Variants in SGK3 observed in about 807,000 individuals in gnomAD.
SGK3 encodes the protein serum/glucocorticoid regulated kinase family member 3.
Under a neutral mutation model 68.5 loss-of-function variants are expected in SGK3, and 47 were observed. That is an observed-to-expected ratio of 0.69 (90% CI 0.54 to 0.87). SGK3 has a LOEUF of 0.87. Ranked by LOEUF, SGK3 falls within the 40% of genes least tolerant of loss-of-function variation. The probability of loss-of-function intolerance (pLI) is 0.00; values close to 1 mark genes in which losing one functional copy is unlikely to be tolerated. For synonymous variants in SGK3, 181 were observed against 189.1 expected (o/e 0.96, Z 0.35); for missense variants, 479 against 575.5 (o/e 0.83, Z 1.72).
At chr8:66,806,730 T>C (rs1165421555) in intron 4 of SGK3, among the ~76,000 whole-genome samples, 1 of 151,244 alleles carries the variant, frequency 6.6e-6, no homozygotes, top group Non-Finnish European at 1.5e-5. Flanking sequence ...AGAGAATCAC[T>C]TGAATCCAGG....
At chr8:66,720,004 G>A (rs112038670) in intron 1 of SGK3, among the ~76,000 whole-genome samples, 3 of 152,272 alleles carry the variant, frequency 2.0e-5, no homozygotes, top group South Asian at 2.1e-4. Flanking sequence ...GCCAGCCAAC[G>A]TCACAGATTC....
intron 7 of SGK3, 57 bp downstream of exon 7, chr8:66,828,760 G>A: frequency 1.3e-6 from 2 of 1,588,198 alleles, no homozygotes; most frequent in Non-Finnish European, 1.7e-6. Flanking sequence ...GATCTTTTTT[G>A]AGCGTATGCA....
intron 5 of SGK3, among the ~76,000 whole-genome samples, chr8:66,819,402 T>C (rs551178083): frequency 1.3e-5 from 2 of 152,328 alleles, no homozygotes; most frequent in South Asian, 4.1e-4. Context: ...GTTGTAGAGT[T>C]CTAATACTAT....
At chr8:66,729,694 T>C (rs1336973671) in intron 1 of SGK3, among the ~76,000 whole-genome samples, 2 of 151,994 alleles carry the variant, frequency 1.3e-5, no homozygotes, top group Non-Finnish European at 2.9e-5. Flanking sequence ...TTTGAGGAGT[T>C]GCCAGACTGT....
At chr8:66,780,270 G>A (rs907961179) in intron 1 of SGK3, among the ~76,000 whole-genome samples, 1 of 152,154 alleles carries the variant, frequency 6.6e-6, no homozygotes, top group African/African-American at 2.4e-5. Flanking sequence ...ACTTTGGCAA[G>A]TTGGAATTTC....
At chr8:66,798,686 GA>G (rs1357013236) in intron 3 of SGK3, 61 bp downstream of exon 3, 1 of 1,420,834 alleles carries the variant, frequency 7.0e-7, no homozygotes, top group African/African-American at 1.4e-5. Flanking sequence ...CCCAAAATAA[GA>G]GAGATGTATT....
At chr8:66,788,511 C>A (rs74748705) in intron 1 of SGK3, among the ~76,000 whole-genome samples, 2,058 of 152,258 alleles carry the variant, frequency 0.014, 20 homozygotes, top group Non-Finnish European at 0.02. Flanking sequence ...ATTTCCAGTA[C>A]TACTGGGTGT....
At chr8:66,762,885 G>A (rs1806216383) in intron 1 of SGK3, among the ~76,000 whole-genome samples, 1 of 152,178 alleles carries the variant, frequency 6.6e-6, no homozygotes, top group Non-Finnish European at 1.5e-5. Flanking sequence ...CTATAAATTG[G>A]AAGTTAGAGC....
chr8:66,770,251 G>A (rs1244950764), intron 1 of SGK3, among the ~76,000 whole-genome samples: 3 of 152,144 alleles, frequency 2.0e-5, no homozygotes, highest in African/African-American at 7.2e-5. Flanking sequence ...ACCGTGCCCG[G>A]CCCCTAGTGA....
chr8:66,805,450 CAGAGGTTGCAGTG>C (rs1430234937), intron 4 of SGK3, among the ~76,000 whole-genome samples: 1 of 148,794 alleles, frequency 6.7e-6, no homozygotes, highest in African/African-American at 2.5e-5. Context: ...ACCCGGGAGG[CAGAGGTTGCAGTG>C]AGCTGAGATC....
chr8:66,751,951 G>C (rs1442342283), intron 1 of SGK3, among the ~76,000 whole-genome samples: 1 of 152,030 alleles, frequency 6.6e-6, no homozygotes, highest in Non-Finnish European at 1.5e-5. Flanking sequence ...TTTTAGTAGA[G>C]ATGGGGTTTC....
chr8:66,815,900 A>G (rs1165709877), intron 5 of SGK3, among the ~76,000 whole-genome samples: 6 of 152,226 alleles, frequency 3.9e-5, no homozygotes, highest in East Asian at 1.9e-4. Context: ...TGAGTGTACA[A>G]TTCAATGGAT....
intron 1 of SGK3, among the ~76,000 whole-genome samples, chr8:66,779,348 T>C (rs1806856164): frequency 6.6e-6 from 1 of 151,988 alleles, no homozygotes; most frequent in Admixed American, 6.6e-5. Flanking sequence ...TGTAAATGTT[T>C]CTGTCACTTA....
At chr8:66,731,890 T>G (rs1805166504) in intron 1 of SGK3, among the ~76,000 whole-genome samples, 1 of 152,212 alleles carries the variant, frequency 6.6e-6, no homozygotes, top group Admixed American at 6.6e-5. Flanking sequence ...AGTCTGTGAT[T>G]CTTTTGTGTC....
chr8:66,770,703 G>C (rs893157310), intron 1 of SGK3, among the ~76,000 whole-genome samples: 1 of 152,094 alleles, frequency 6.6e-6, no homozygotes. Flanking sequence ...TTTCTTTGCT[G>C]TACTTTTTAT....
chr8:66,769,250 G>A (rs1806423410), intron 1 of SGK3, among the ~76,000 whole-genome samples: 1 of 151,650 alleles, frequency 6.6e-6, no homozygotes, highest in Non-Finnish European at 1.5e-5. Flanking sequence ...TTGAAACAGA[G>A]TCTCACTCTG....
At chr8:66,850,691 G>T in intron 15 of SGK3, 140 bp from the exon 16 acceptor site, 1 of 744,886 alleles carries the variant, frequency 1.3e-6, no homozygotes, top group South Asian at 2.0e-5. Flanking sequence ...ACATCATTTT[G>T]CCACACAAAT....
chr8:66,723,119 ATATATATATATATTTTTTTT>A (rs1228616568), intron 1 of SGK3, among the ~76,000 whole-genome samples: 22 of 50,404 alleles, frequency 4.4e-4, no homozygotes, highest in African/African-American at 1.9e-3. Flanking sequence ...ATATATATAT[ATATATATATATATTTTTTTT>A]TTTTTTTTTT....
intron 2 of SGK3, among the ~76,000 whole-genome samples, chr8:66,795,111 G>C (rs978698315): frequency 6.6e-6 from 1 of 152,300 alleles, no homozygotes; most frequent in South Asian, 2.1e-4. Flanking sequence ...CCCATGACAG[G>C]TGACTTTCAA....
Sources: gnomAD v4.1 joint callset for allele counts (sites outside exome capture counted in the v4.1 genomes callset) on GRCh38, gnomAD v4.1.1 for gene constraint, MANE v1.5 for transcripts, NCBI Gene and HGNC (gene_info 2026-07-23, HGNC 2026-07-21) for gene names.